IBTK: variants seen among roughly 807,000 people sequenced by gnomAD.
IBTK encodes BTK-binding protein.
In IBTK, 83 loss-of-function variants were observed where a neutral mutation model predicts 154.9. The ratio of observed to expected loss-of-function variants is 0.54; its 90% CI spans 0.45 to 0.64. IBTK has a LOEUF of 0.64. Among genes scored for constraint, IBTK ranks in the 30% least tolerant of loss-of-function variants. The probability of loss-of-function intolerance (pLI) is 0.00; values close to 1 mark genes in which losing one functional copy is unlikely to be tolerated. For synonymous variants in IBTK, 515 were observed against 536.1 expected, an observed-to-expected ratio of 0.96 and a Z score of 0.54; for missense variants, 1,332 against 1,584.6, an observed-to-expected ratio of 0.84 and a Z score of 2.71.
intron 19 of IBTK, 143 bp from the exon 20 acceptor site, chr6:82,200,851 T>C: frequency 1.2e-6 from 1 of 855,334 alleles, no homozygotes; most frequent in African/African-American, 1.8e-5. Flanking sequence ...ACCTCCCATC[T>C]TGGCCTCCCA....
chr6:82,202,503 C>T (rs773781373), intron 18 of IBTK, 25 bp downstream of exon 18: 47 of 1,223,788 alleles, frequency 3.8e-5, no homozygotes, highest in Non-Finnish European at 5.7e-5. Flanking sequence ...TTGCAACAAT[C>T]TTACAACATA....
intron 9 of IBTK, among the ~76,000 whole-genome samples, chr6:82,218,388 A>C (rs908077377): frequency 5.9e-5 from 9 of 152,218 alleles, no homozygotes; most frequent in African/African-American, 1.9e-4. Flanking sequence ...ACTCCTCTTA[A>C]GAAGTAGCAA....
intron 26 of IBTK, among the ~76,000 whole-genome samples, chr6:82,176,605 A>C (rs568378306): frequency 6.6e-6 from 1 of 152,222 alleles, no homozygotes; most frequent in South Asian, 2.1e-4. Flanking sequence ...AAGGAAAATG[A>C]GAAATAAAAG....
chr6:82,188,211 C>A (rs909844737), intron 25 of IBTK, among the ~76,000 whole-genome samples: 2 of 152,026 alleles, frequency 1.3e-5, no homozygotes, highest in Non-Finnish European at 2.9e-5. Flanking sequence ...TAAGAGAAAA[C>A]AATCAATCAA....
chr6:82,185,940 G>A (rs1195750708), intron 25 of IBTK, among the ~76,000 whole-genome samples: 4 of 152,062 alleles, frequency 2.6e-5, no homozygotes, highest in African/African-American at 4.8e-5. Flanking sequence ...CAAGTATATC[G>A]TGCCATTTTT....
intron 8 of IBTK, among the ~76,000 whole-genome samples, chr6:82,221,391 A>T (rs1770097077): frequency 6.6e-6 from 1 of 152,226 alleles, no homozygotes; most frequent in Non-Finnish European, 1.5e-5. Context: ...TCTCTATTTT[A>T]ACAGAAAAGA....
At chr6:82,204,503 G>A (rs1477201128) in intron 17 of IBTK, among the ~76,000 whole-genome samples, 1 of 151,962 alleles carries the variant, frequency 6.6e-6, no homozygotes, top group Non-Finnish European at 1.5e-5. Flanking sequence ...GTAGAAAATG[G>A]GTAGCTAAAA....
chr6:82,247,461 C>A, intron 1 of IBTK, 101 bp downstream of exon 1: 2 of 397,310 alleles, frequency 5.0e-6, no homozygotes, highest in East Asian at 7.1e-5. Flanking sequence ...CGCCGCCGTC[C>A]GCAGCCACCC....
intron 9 of IBTK, among the ~76,000 whole-genome samples, chr6:82,219,324 C>T (rs1172985645): frequency 6.6e-6 from 1 of 152,142 alleles, no homozygotes; most frequent in African/African-American, 2.4e-5. Context: ...CATTCTCCAT[C>T]CCTACAATAT....
At chr6:82,213,833 A>T (rs906472768) in intron 12 of IBTK, among the ~76,000 whole-genome samples, 1 of 152,154 alleles carries the variant, frequency 6.6e-6, no homozygotes, top group Non-Finnish European at 1.5e-5. Flanking sequence ...CCCCAAAAAA[A>T]GGATGGGTAG....
intron 1 of IBTK, among the ~76,000 whole-genome samples, chr6:82,243,508 G>A (rs1771032850): frequency 6.6e-6 from 1 of 152,152 alleles, no homozygotes; most frequent in South Asian, 2.1e-4. Context: ...CACCTCACCT[G>A]AGACATGAAT....
intron 26 of IBTK, among the ~76,000 whole-genome samples, chr6:82,175,590 TA>T (rs2127796532): frequency 6.6e-6 from 1 of 152,374 alleles, no homozygotes; most frequent in South Asian, 2.1e-4. Flanking sequence ...AAAAACATTC[TA>T]AACTTTCAAA....
At chr6:82,204,006 A>G (rs1345976465) in intron 17 of IBTK, among the ~76,000 whole-genome samples, 1 of 152,202 alleles carries the variant, frequency 6.6e-6, no homozygotes, top group Admixed American at 6.5e-5. Flanking sequence ...GCAGTAAAGC[A>G]GAACAGATAT....
At chr6:82,182,237 T>C (rs1768349392) in intron 25 of IBTK, among the ~76,000 whole-genome samples, 1 of 152,048 alleles carries the variant, frequency 6.6e-6, no homozygotes, top group Admixed American at 6.6e-5. Flanking sequence ...AGTCTAGAGA[T>C]AACTCAGATG....
intron 25 of IBTK, among the ~76,000 whole-genome samples, chr6:82,183,509 T>C (rs1319107500): frequency 6.6e-6 from 1 of 152,198 alleles, no homozygotes; most frequent in East Asian, 1.9e-4. Context: ...GACAAATATC[T>C]TTTTTAAAAA....
At chr6:82,239,934 C>T (rs1770877851) in intron 2 of IBTK, among the ~76,000 whole-genome samples, 1 of 152,132 alleles carries the variant, frequency 6.6e-6, no homozygotes, top group African/African-American at 2.4e-5. Flanking sequence ...AATTGGCCAA[C>T]AGTTCATTAT....
intron 2 of IBTK, among the ~76,000 whole-genome samples, chr6:82,236,852 G>C (rs1003415156): frequency 1.3e-5 from 2 of 152,112 alleles, no homozygotes; most frequent in African/African-American, 4.8e-5. Flanking sequence ...AAAATATGCT[G>C]AACAAAAGCA....
chr6:82,224,547 G>C (rs1356021083), intron 6 of IBTK, among the ~76,000 whole-genome samples: 1 of 152,164 alleles, frequency 6.6e-6, no homozygotes, highest in Non-Finnish European at 1.5e-5. Context: ...ATATTTCCAT[G>C]GTCTCTCAAT....
At chr6:82,226,399 C>T (rs925767448) in intron 5 of IBTK, among the ~76,000 whole-genome samples, 2 of 152,168 alleles carry the variant, frequency 1.3e-5, no homozygotes, top group African/African-American at 2.4e-5. Flanking sequence ...CTTAAAATAA[C>T]GTAGTGAACC....
Sources: gnomAD v4.1 joint callset for allele counts (sites outside exome capture counted in the v4.1 genomes callset) on GRCh38, gnomAD v4.1.1 for gene constraint, MANE v1.5 for transcripts, NCBI Gene and HGNC (gene_info 2026-07-23, HGNC 2026-07-21) for gene names.